COA1: variants seen among roughly 807,000 people sequenced by gnomAD.
COA1 encodes cytochrome c oxidase assembly factor 1 homolog.
In COA1, 13 loss-of-function variants were observed where a neutral mutation model predicts 16.0. That is an observed-to-expected ratio of 0.81 (90% CI 0.53 to 1.29). The LOEUF (loss-of-function observed/expected upper bound fraction) is 1.29, where lower values mean the gene tolerates loss of function less well. COA1 is among the 50% of genes most tolerant of loss of function. COA1 has a pLI of 0.00. For missense variants in COA1, 179 were observed against 177.0 expected (o/e 1.01, Z -0.06); for synonymous variants, 65 against 65.7 (o/e 0.99, Z 0.05).
At chr7:43,665,321 A>T (rs571691014) in intron 1 of COA1, among the ~76,000 whole-genome samples, 1 of 152,328 alleles carries the variant, frequency 6.6e-6, no homozygotes, top group South Asian at 2.1e-4. Flanking sequence ...AGCAGTATAG[A>T]GCGTCAAAAT....
chr7:43,617,174 G>T (rs2152998390), intron 6 of COA1, among the ~76,000 whole-genome samples: 1 of 152,330 alleles, frequency 6.6e-6, no homozygotes, highest in Admixed American at 6.5e-5. Context: ...AGTCTGGAGA[G>T]CTAGTTAGGC....
intron 1 of COA1, among the ~76,000 whole-genome samples, chr7:43,658,345 C>T (rs1217397571): frequency 6.6e-6 from 1 of 151,018 alleles, no homozygotes; most frequent in African/African-American, 2.4e-5. Context: ...GGCGACACAG[C>T]GAGACTGTCT....
intron 3 of COA1, 150 bp downstream of exon 3, chr7:43,647,385 C>G (rs1025254068): frequency 1.5e-6 from 1 of 664,276 alleles, no homozygotes. Flanking sequence ...ACAGAGGAAG[C>G]TATAGCCAAC....
At chr7:43,706,312 C>G (rs1030300016) in intron 1 of COA1, among the ~76,000 whole-genome samples, 145 of 151,968 alleles carry the variant, frequency 9.5e-4, no homozygotes, top group African/African-American at 3.4e-3. Context: ...CTGAGGCAGG[C>G]AGATCACTTG....
intron 1 of COA1, among the ~76,000 whole-genome samples, chr7:43,679,199 G>A (rs138256353): frequency 3.6e-4 from 54 of 151,260 alleles, no homozygotes; most frequent in African/African-American, 1.2e-3. Context: ...CTCGGGAGGC[G>A]GAGGTTGCAG....
chr7:43,701,015 A>G (rs2094716029), intron 1 of COA1, among the ~76,000 whole-genome samples: 1 of 152,118 alleles, frequency 6.6e-6, no homozygotes, highest in Non-Finnish European at 1.5e-5. Flanking sequence ...AGTTTTTGTT[A>G]AAACTTACAG....
chr7:43,708,046 AT>A (rs2095065180), intron 1 of COA1, among the ~76,000 whole-genome samples: 2 of 152,290 alleles, frequency 1.3e-5, no homozygotes, highest in East Asian at 3.9e-4. Flanking sequence ...TCTACTAAAA[AT>A]ACAAAAATTA....
chr7:43,705,073 G>C (rs565400332), intron 1 of COA1, among the ~76,000 whole-genome samples: 3 of 152,296 alleles, frequency 2.0e-5, no homozygotes, highest in Non-Finnish European at 4.4e-5. Context: ...GGAGGCCAAG[G>C]CTCAACAGAG....
intron 1 of COA1, among the ~76,000 whole-genome samples, chr7:43,687,215 G>A (rs1195667877): frequency 1.3e-5 from 2 of 152,158 alleles, no homozygotes; most frequent in Non-Finnish European, 2.9e-5. Context: ...TGCCATGAAC[G>A]ATTTCATGGT....
At chr7:43,611,721 G>T (rs2082897748) in intron 6 of COA1, among the ~76,000 whole-genome samples, 1 of 152,150 alleles carries the variant, frequency 6.6e-6, no homozygotes, top group Non-Finnish European at 1.5e-5. Flanking sequence ...AAATGTTTAT[G>T]CTGTAGCTTC....
intron 1 of COA1, among the ~76,000 whole-genome samples, chr7:43,682,663 AT>A (rs1220586004): frequency 6.6e-6 from 1 of 152,014 alleles, no homozygotes; most frequent in Non-Finnish European, 1.5e-5. Context: ...TTTTAGGATG[AT>A]TTTTTTTAAA....
At chr7:43,714,432 A>C (rs2095337809) in intron 1 of COA1, among the ~76,000 whole-genome samples, 1 of 151,936 alleles carries the variant, frequency 6.6e-6, no homozygotes, top group South Asian at 2.1e-4. Context: ...GTTCAACGCT[A>C]GCCTGGCCAA....
At chr7:43,718,878 T>C (rs1233636248) in intron 1 of COA1, among the ~76,000 whole-genome samples, 1 of 152,128 alleles carries the variant, frequency 6.6e-6, no homozygotes, top group Non-Finnish European at 1.5e-5. Context: ...GTTGATGTTG[T>C]CTATTTTCCA....
intron 6 of COA1, chr7:43,632,713 G>A (rs1415973648): frequency 6.6e-6 from 1 of 152,016 alleles, no homozygotes; most frequent in East Asian, 1.9e-4. Context: ...CAATATTTTG[G>A]TTTTTTGGAT....
At chr7:43,670,774 T>C (rs142312624) in intron 1 of COA1, among the ~76,000 whole-genome samples, 194 of 152,338 alleles carry the variant, frequency 1.3e-3, no homozygotes, top group African/African-American at 4.5e-3. Flanking sequence ...TTCACATATC[T>C]TTTCATTCTC....
At chr7:43,634,093 A>G (rs984672925) in intron 6 of COA1, among the ~76,000 whole-genome samples, 3 of 151,912 alleles carry the variant, frequency 2.0e-5, no homozygotes, top group Admixed American at 1.3e-4. Context: ...ATTTATTCCA[A>G]GCATGTTCAT....
intron 1 of COA1, among the ~76,000 whole-genome samples, chr7:43,652,811 C>G (rs1343418789): frequency 7.5e-6 from 1 of 134,056 alleles, no homozygotes; most frequent in East Asian, 2.5e-4. Flanking sequence ...CCCACTGCTA[C>G]TATCACTCTG....
At chr7:43,628,561 T>C (rs531755965) in intron 6 of COA1, among the ~76,000 whole-genome samples, 1 of 152,372 alleles carries the variant, frequency 6.6e-6, no homozygotes, top group South Asian at 2.1e-4. Context: ...CTGTTTTGTG[T>C]TCCTGCCAGC....
chr7:43,639,980 G>T (rs1218549646), intron 5 of COA1, among the ~76,000 whole-genome samples: 1 of 152,160 alleles, frequency 6.6e-6, no homozygotes, highest in Non-Finnish European at 1.5e-5. Flanking sequence ...TCAGTTCCTG[G>T]CATGGAATCC....
Sources: gnomAD v4.1 joint callset for allele counts (sites outside exome capture counted in the v4.1 genomes callset) on GRCh38, gnomAD v4.1.1 for gene constraint, MANE v1.5 for transcripts, NCBI Gene and HGNC (gene_info 2026-07-23, HGNC 2026-07-21) for gene names.